DAP: variants seen among roughly 807,000 people sequenced by gnomAD.
The protein encoded by DAP is death-associated protein 1.
Under a neutral mutation model 13.8 loss-of-function variants are expected in DAP, and 8 were observed. That is an observed-to-expected ratio of 0.58 (90% confidence interval 0.34 to 1.05). The LOEUF (loss-of-function observed/expected upper bound fraction) is 1.05. Among genes scored for constraint, DAP ranks in the 50% least tolerant of loss-of-function variants. The pLI is 0.03. For synonymous variants in DAP, 47 were observed against 47.5 expected (o/e 0.99, Z 0.04); for missense variants, 106 against 133.2 (o/e 0.80, Z 1.01).
At chr5:10,697,929 G>A (rs533585998) in intron 2 of DAP, among the ~76,000 whole-genome samples, 1 of 152,272 alleles carries the variant, frequency 6.6e-6, no homozygotes, top group African/African-American at 2.4e-5. Flanking sequence ...CAGGTGTCTG[G>A]CTGGAAAGTC....
At chr5:10,698,065 T>G (rs1160919716) in intron 2 of DAP, among the ~76,000 whole-genome samples, 1 of 152,100 alleles carries the variant, frequency 6.6e-6, no homozygotes, top group African/African-American at 2.4e-5. Context: ...CCAGGAATTA[T>G]GTCCTTAGTC....
chr5:10,683,430 G>A (rs1487431435), intron 3 of DAP, 99 bp downstream of exon 3: 2 of 1,130,996 alleles, frequency 1.8e-6, no homozygotes, highest in East Asian at 2.3e-5. Flanking sequence ...AGTGGTGCTG[G>A]GTTATTCCAG....
intron 2 of DAP, among the ~76,000 whole-genome samples, chr5:10,700,738 C>T (rs1738556638): frequency 1.3e-5 from 2 of 152,214 alleles, no homozygotes; most frequent in Non-Finnish European, 2.9e-5. Flanking sequence ...GCCGGCCTTG[C>T]TGCGGCAAGA....
chr5:10,749,895 G>C (rs747804997), intron 1 of DAP, among the ~76,000 whole-genome samples: 1 of 152,136 alleles, frequency 6.6e-6, no homozygotes, highest in Non-Finnish European at 1.5e-5. Context: ...GGGTCGGCAC[G>C]TTCCTCCACG....
At chr5:10,697,858 G>A (rs5745247) in intron 2 of DAP, among the ~76,000 whole-genome samples, 6,326 of 152,148 alleles carry the variant, frequency 0.042, 198 homozygotes, top group South Asian at 0.081. Flanking sequence ...TTTTTGTGTC[G>A]AACCCAGCAA....
Position 10,702,771 on chromosome 5 carries a change from C to T in DAP, c.153-19200G>A, listed in dbSNP as rs1579794177. On this transcript the variant is annotated intron_variant, in intron 2 of 3. Coordinates refer to ENST00000230895, the MANE Select transcript of DAP (RefSeq NM_004394.3). ...GGCAACTCCTGGCAGCTGCCAACAA[C>T]AGCTGGATGGCTTTGCAGGACTCTT... 1.3e-5 allele frequency among the ~76,000 whole-genome samples: 2 copies of T among 152,346 alleles called. 1 individual carries two copies. The highest frequency in any genetic ancestry group is 4.1e-4 in the South Asian group (2 of 4,830).
chr5:10,738,189 G>A (rs2126671651), intron 2 of DAP, among the ~76,000 whole-genome samples: 1 of 152,342 alleles, frequency 6.6e-6, no homozygotes, highest in East Asian at 1.9e-4. Context: ...ATTTTGTTAA[G>A]GCAGCCCTGG....
chr5:10,696,843 C>A (rs1001060321), intron 2 of DAP, among the ~76,000 whole-genome samples: 1 of 152,114 alleles, frequency 6.6e-6, no homozygotes, highest in African/African-American at 2.4e-5. Flanking sequence ...TGTGCCATGG[C>A]GCAGGGTTTC....
intron 2 of DAP, among the ~76,000 whole-genome samples, chr5:10,718,070 T>C (rs1226521968): frequency 6.6e-6 from 1 of 152,128 alleles, no homozygotes; most frequent in East Asian, 1.9e-4. Flanking sequence ...ATGCAACAAA[T>C]CTTTCTCCCA....
chr5:10,700,981 G>A (rs113296813), intron 2 of DAP, among the ~76,000 whole-genome samples: 3,685 of 152,314 alleles, frequency 0.024, 73 homozygotes, highest in Non-Finnish European at 0.033. Context: ...CTGAATAGAC[G>A]GGTGTGAAAT....
chr5:10,736,884 A>G (rs533911444), intron 2 of DAP, among the ~76,000 whole-genome samples: 71 of 152,348 alleles, frequency 4.7e-4, no homozygotes, highest in African/African-American at 1.6e-3. Flanking sequence ...ATAAGCAGTG[A>G]CAACCAGTTA....
intron 2 of DAP, among the ~76,000 whole-genome samples, chr5:10,709,831 A>G (rs976512624): frequency 6.6e-6 from 1 of 152,236 alleles, no homozygotes; most frequent in Non-Finnish European, 1.5e-5. Context: ...CAAAGGGAAG[A>G]GTGCTGGGCA....
At chr5:10,689,427 CAGCGTCTA>C (rs1278598690) in intron 2 of DAP, among the ~76,000 whole-genome samples, 1 of 152,182 alleles carries the variant, frequency 6.6e-6, no homozygotes, top group African/African-American at 2.4e-5. Flanking sequence ...TTGCAGGTTG[CAGCGTCTA>C]AGAGTCCACA....
At chr5:10,682,333 T>C (rs1738039547) in intron 3 of DAP, among the ~76,000 whole-genome samples, 1 of 149,200 alleles carries the variant, frequency 6.7e-6, no homozygotes, top group Non-Finnish European at 1.5e-5. Context: ...GTAGGAAGCA[T>C]GGCGGTTGTA....
intron 1 of DAP, among the ~76,000 whole-genome samples, chr5:10,751,497 T>C (rs1007879269): frequency 6.6e-5 from 10 of 152,170 alleles, no homozygotes; most frequent in African/African-American, 2.4e-4. Flanking sequence ...CTAAATATTT[T>C]TTAAAAATTC....
chr5:10,732,959 C>T (rs1739502086), intron 2 of DAP, among the ~76,000 whole-genome samples: 1 of 152,150 alleles, frequency 6.6e-6, no homozygotes, highest in South Asian at 2.1e-4. Context: ...CCACATTTCC[C>T]TTTCCCCCAG....
At chr5:10,705,573 C>T (rs1220469803) in intron 2 of DAP, among the ~76,000 whole-genome samples, 4 of 152,224 alleles carry the variant, frequency 2.6e-5, no homozygotes, top group Non-Finnish European at 5.9e-5. Flanking sequence ...CATGCAGGGC[C>T]ACATGCCCTC....
intron 2 of DAP, among the ~76,000 whole-genome samples, chr5:10,725,894 C>T (rs1739277140): frequency 6.6e-6 from 1 of 152,222 alleles, no homozygotes; most frequent in Non-Finnish European, 1.5e-5. Flanking sequence ...AGTCCCACCA[C>T]TTACCTTGTA....
chr5:10,754,938 G>A (rs752650315), intron 1 of DAP, among the ~76,000 whole-genome samples: 1 of 152,184 alleles, frequency 6.6e-6, no homozygotes, highest in Non-Finnish European at 1.5e-5. Context: ...ACCTGTGAGT[G>A]TGCTGGGCTA....
Sources: allele counts gnomAD v4.1 joint callset (sites outside exome capture counted in the v4.1 genomes callset), GRCh38; gene constraint gnomAD v4.1.1; transcripts MANE v1.5; gene names NCBI Gene and HGNC (gene_info 2026-07-23, HGNC 2026-07-21).